The following RIMS1 variants were observed in gnomAD, a reference collection of about 807,000 sequenced individuals.
The protein encoded by RIMS1 is regulating synaptic membrane exocytosis protein 1.
A neutral mutation model predicts 214.1 loss-of-function variants in RIMS1; 83 were observed. That is an observed-to-expected ratio of 0.39 (90% CI 0.32 to 0.47). The LOEUF is 0.47. RIMS1 is among the 20% of genes least tolerant of loss of function. The pLI is 0.99. For synonymous variants in RIMS1, 793 were observed against 786.8 expected (o/e 1.01, Z -0.13); for missense variants, 2,050 against 2,161.8 (o/e 0.95, Z 1.03).
chr6:72,012,416 A>G (rs950977289), intron 2 of RIMS1, among the ~76,000 whole-genome samples: 1 of 152,236 alleles, frequency 6.6e-6, no homozygotes, highest in African/African-American at 2.4e-5. Flanking sequence ...CTAACATGGC[A>G]CATGTATACA....
At chr6:72,274,882 TA>T (rs2154194694) in intron 23 of RIMS1, among the ~76,000 whole-genome samples, 1 of 152,090 alleles carries the variant, frequency 6.6e-6, no homozygotes, top group Non-Finnish European at 1.5e-5. Context: ...TTGATTATAT[TA>T]AATAATGTCT....
chr6:72,283,533 A>G (rs183602864), intron 23 of RIMS1, among the ~76,000 whole-genome samples: 2 of 152,306 alleles, frequency 1.3e-5, no homozygotes, highest in Admixed American at 6.5e-5. Context: ...TCATTTATAT[A>G]AAACATCTTT....
At chr6:72,355,937 G>C (rs1278063316) in intron 29 of RIMS1, among the ~76,000 whole-genome samples, 2 of 152,136 alleles carry the variant, frequency 1.3e-5, no homozygotes, top group Non-Finnish European at 2.9e-5. Flanking sequence ...AGAAGATTCT[G>C]TTGTTGCGTT....
In RIMS1 at chr6:72,252,761, G is replaced by T; in HGVS notation, c.2699G>T (p.Arg900Ile). 1 of 1,557,752 alleles carries T rather than the reference G, an allele frequency of 6.4e-7. No homozygotes were observed. Among genetic ancestry groups the T allele is most frequent in the Non-Finnish European group, 8.7e-7 (1 of 1,149,496 alleles). The change falls in exon 16 of 34, where the codon AGA (arginine) becomes ATA (isoleucine). Residue 900 changes from arginine (R) to isoleucine (I), a missense_variant and splice_region_variant. Transcript: ENST00000521978. Reference sequence around the variant, plus strand: ...ATCTCTTTGCCTTACTGTTGTGCAGGATCTCAGCGAATCAGTGATAGTGAC... The same window carrying T: ...ATCTCTTTGCCTTACTGTTGTGCAGTATCTCAGCGAATCAGTGATAGTGAC... ...HGESSSKKLQ[R>I]SQRISDSDIS...
intron 2 of RIMS1, among the ~76,000 whole-genome samples, chr6:71,998,700 A>C (rs937620879): frequency 3.9e-5 from 6 of 152,146 alleles, no homozygotes; most frequent in African/African-American, 1.4e-4. Flanking sequence ...TTTCAGATCT[A>C]TTTTTGAATA....
At chr6:71,989,810 C>T (rs1384390) in intron 2 of RIMS1, among the ~76,000 whole-genome samples, 17,624 of 152,170 alleles carry the variant, frequency 0.12, 1,244 homozygotes, top group South Asian at 0.19. Context: ...CTGTCAAACT[C>T]GAAATAAGAT....
chr6:71,890,502 G>GA (rs1026253048), intron 1 of RIMS1, among the ~76,000 whole-genome samples: 16 of 103,500 alleles, frequency 1.5e-4, no homozygotes, highest in African/African-American at 6.5e-4. Context: ...TACATAGGCT[G>GA]AAAACTGCAT....
At chr6:72,208,181 G>C (rs1204434776) in intron 6 of RIMS1, among the ~76,000 whole-genome samples, 1 of 152,168 alleles carries the variant, frequency 6.6e-6, no homozygotes, top group Non-Finnish European at 1.5e-5. Flanking sequence ...TCTTATTTCT[G>C]TCTGAACCGT....
At chr6:72,192,640 C>T (rs369171493) in intron 6 of RIMS1, among the ~76,000 whole-genome samples, 2 of 152,186 alleles carry the variant, frequency 1.3e-5, no homozygotes, top group Admixed American at 1.3e-4. Context: ...CAGAGCTCTA[C>T]GTGAGTCAGG....
At chr6:72,153,278 AT>A (rs139812956) in intron 4 of RIMS1, among the ~76,000 whole-genome samples, 2 of 151,166 alleles carry the variant, frequency 1.3e-5, no homozygotes, top group African/African-American at 4.9e-5. Context: ...GGACTGGTTG[AT>A]TTTTTTTCAT....
At chr6:71,915,742 G>A (rs1482115414) in intron 1 of RIMS1, among the ~76,000 whole-genome samples, 1 of 152,082 alleles carries the variant, frequency 6.6e-6, no homozygotes, top group Non-Finnish European at 1.5e-5. Flanking sequence ...ACTTGTATTA[G>A]TCTGTTCTTA....
intron 28 of RIMS1, among the ~76,000 whole-genome samples, chr6:72,332,088 A>G (rs2096679752): frequency 6.6e-6 from 1 of 151,850 alleles, no homozygotes; most frequent in Non-Finnish European, 1.5e-5. Flanking sequence ...CTTGTTACAT[A>G]ATCCCAACAC....
chr6:72,055,654 G>A (rs553999412), intron 2 of RIMS1, among the ~76,000 whole-genome samples: 1 of 151,842 alleles, frequency 6.6e-6, no homozygotes, highest in East Asian at 1.9e-4. Flanking sequence ...TTTCATAGAT[G>A]GCTCTTATTA....
intron 2 of RIMS1, among the ~76,000 whole-genome samples, chr6:72,025,494 A>G (rs1365595789): frequency 1.3e-5 from 2 of 152,218 alleles, no homozygotes; most frequent in African/African-American, 2.4e-5. Flanking sequence ...ACTCTTAACT[A>G]TAATGCGATA....
chr6:72,045,563 A>G (rs1585582365), intron 2 of RIMS1, among the ~76,000 whole-genome samples: 1 of 152,190 alleles, frequency 6.6e-6, no homozygotes, highest in Middle Eastern at 3.4e-3. Context: ...ATTAATTAGA[A>G]TAAATTAAAC....
At chr6:72,344,057 C>A (rs1250743908) in intron 29 of RIMS1, among the ~76,000 whole-genome samples, 1 of 151,730 alleles carries the variant, frequency 6.6e-6, no homozygotes, top group African/African-American at 2.4e-5. Flanking sequence ...GGTCCTTAGA[C>A]AATAATTATG....
intron 4 of RIMS1, among the ~76,000 whole-genome samples, chr6:72,127,362 T>C (rs1045142708): frequency 2.6e-5 from 4 of 152,210 alleles, no homozygotes; most frequent in Non-Finnish European, 5.9e-5. Context: ...CGCTGAAATG[T>C]ATTCTGTTTT....
At chr6:72,331,664 T>C (rs996194570) in intron 28 of RIMS1, among the ~76,000 whole-genome samples, 8 of 151,686 alleles carry the variant, frequency 5.3e-5, no homozygotes, top group African/African-American at 1.7e-4. Flanking sequence ...TCTCCTGGAG[T>C]TGGGAATATA....
chr6:72,192,126 G>A (rs2153982436), intron 6 of RIMS1, among the ~76,000 whole-genome samples: 1 of 152,332 alleles, frequency 6.6e-6, no homozygotes, highest in South Asian at 2.1e-4. Flanking sequence ...GCCACAGGAT[G>A]TGTCCGGGGA....
Sources: gnomAD v4.1 joint callset for allele counts (sites outside exome capture counted in the v4.1 genomes callset) on GRCh38, gnomAD v4.1.1 for gene constraint, MANE v1.5 for transcripts, NCBI Gene and HGNC (gene_info 2026-07-23, HGNC 2026-07-21) for gene names.